The following GRIN2A variants were observed in gnomAD, a reference collection of about 807,000 sequenced individuals.
GRIN2A encodes glutamate ionotropic receptor NMDA type subunit 2A.
A neutral mutation model predicts 113.4 loss-of-function variants in GRIN2A; 22 were observed. That is an observed-to-expected ratio of 0.19 (90% CI 0.14 to 0.28). GRIN2A has a LOEUF of 0.28. Among genes scored for constraint, GRIN2A ranks in the 10% least tolerant of loss-of-function variants. The pLI, the probability that GRIN2A is intolerant of heterozygous loss-of-function variation, is 1.00. For synonymous variants in GRIN2A, 827 were observed against 738.4 expected (o/e 1.12, Z -1.94); for missense variants, 1,502 against 1,887.0 (o/e 0.80, Z 3.78).
At chr16:10,072,966 T>TA (rs34421012) in intron 2 of GRIN2A, among the ~76,000 whole-genome samples, 4 of 142,254 alleles carry the variant, frequency 2.8e-5, no homozygotes, top group South Asian at 4.5e-4. Context: ...TTTTTTTTTT[T>TA]TGAGACAGAG....
rs2141126974 is a variant in GRIN2A, at chr16:9,763,477, G to C, written c.4067C>G (p.Ser1356Cys). 1 of 1,613,908 alleles carries C rather than the reference G, an allele frequency of 6.2e-7. No homozygotes were observed. The highest frequency in any genetic ancestry group is 8.5e-7 in the Non-Finnish European group (1 of 1,179,824). The change falls in exon 13 of 13, where the codon TCT (serine) becomes TGT (cysteine). Residue 1356 changes from serine (S) to cysteine (C), a missense_variant. Around this residue, in one of 7 missense-constraint regions of GRIN2A, gnomAD observed 832 missense variants for 789.7 expected, o/e 1.05. Coordinates refer to ENST00000330684, the MANE Select transcript of GRIN2A (RefSeq NM_001134407.3). Reference sequence around the variant, plus strand: ...ATCGGAGGTGTGGTCTGGCAAGAGAGACTTGCTCCTCTTGCTGTCCTCCAG... The same window carrying C: ...ATCGGAGGTGTGGTCTGGCAAGAGACACTTGCTCCTCTTGCTGTCCTCCAG... The part of the protein sequence containing the change: ...QGLEDSKRSK[S>C]LLPDHTSDNP...
At position 9,761,120 on chromosome 16, in the gene GRIN2A, C is replaced by G; in HGVS notation, c.*2029G>C. 1.3e-5 allele frequency: 3 copies of G among 232,956 alleles called. No individual in the cohort carries two copies. The highest frequency in any genetic ancestry group is 1.7e-5 in the Non-Finnish European group (2 of 117,754). 14.4% of individuals were successfully genotyped at this position (232,956 alleles called of 1,614,324 possible). A position where few individuals can be genotyped will look rare whatever the true frequency, so the allele number is the denominator to read the frequency against. Reference sequence around the variant, plus strand: ...AGCTCCTCTCACCCACTGCCTCCCTCTGTCTCCCTATGATTGACCCTGAAA... The same window carrying G: ...AGCTCCTCTCACCCACTGCCTCCCTGTGTCTCCCTATGATTGACCCTGAAA... On this transcript the variant is annotated 3_prime_UTR_variant, in exon 13 of 13. Coordinates refer to ENST00000330684, the MANE Select transcript of GRIN2A (RefSeq NM_001134407.3).
At chr16:10,064,980 C>T (rs558406778) in intron 2 of GRIN2A, among the ~76,000 whole-genome samples, 2 of 152,184 alleles carry the variant, frequency 1.3e-5, no homozygotes, top group East Asian at 1.9e-4. Flanking sequence ...CAGAATACAC[C>T]GTAACGTGGA....
intron 2 of GRIN2A, among the ~76,000 whole-genome samples, chr16:9,957,316 T>C (rs1037139839): frequency 2.6e-5 from 4 of 152,146 alleles, no homozygotes; most frequent in Middle Eastern, 3.2e-3. Flanking sequence ...ACAGTGGATA[T>C]AGGATTGAGC....
chr16:9,924,086 G>T (rs1286162961), intron 3 of GRIN2A, among the ~76,000 whole-genome samples: 1 of 147,254 alleles, frequency 6.8e-6, no homozygotes, highest in Non-Finnish European at 1.5e-5. Flanking sequence ...ACTCCAGCCT[G>T]GGCAGCAGAG....
chr16:9,769,282 GT>G, intron 11 of GRIN2A, 193 bp from the exon 12 acceptor site: 1 of 489,390 alleles, frequency 2.0e-6, no homozygotes, highest in South Asian at 3.0e-5. Flanking sequence ...ACCTAATATT[GT>G]TGCAGTGAGG....
chr16:10,046,140 G>A (rs530792985), intron 2 of GRIN2A, among the ~76,000 whole-genome samples: 47 of 152,078 alleles, frequency 3.1e-4, no homozygotes, highest in Non-Finnish European at 4.1e-4. Flanking sequence ...GGGTGAGCAC[G>A]TGATCCAGTT....
At chr16:10,156,931 T>A (rs944014949) in intron 2 of GRIN2A, among the ~76,000 whole-genome samples, 9 of 152,114 alleles carry the variant, frequency 5.9e-5, no homozygotes, top group Non-Finnish European at 1.3e-4. Context: ...AAGAACAAGT[T>A]ATCTAATTCA....
intron 2 of GRIN2A, among the ~76,000 whole-genome samples, chr16:10,018,248 T>C (rs2046646259): frequency 6.6e-6 from 1 of 152,072 alleles, no homozygotes; most frequent in Non-Finnish European, 1.5e-5. Context: ...CATAAGACTG[T>C]ATGTGAAAAA....
At chr16:10,049,787 TAAG>T (rs1202756255) in intron 2 of GRIN2A, among the ~76,000 whole-genome samples, 3 of 152,324 alleles carry the variant, frequency 2.0e-5, no homozygotes, top group Admixed American at 2.0e-4. Flanking sequence ...CTCTCCTGAT[TAAG>T]ATGGAAGCTC....
chr16:10,126,156 T>C (rs2048930510), intron 2 of GRIN2A, among the ~76,000 whole-genome samples: 1 of 107,416 alleles, frequency 9.3e-6, no homozygotes, highest in African/African-American at 3.3e-5. Flanking sequence ...GATGGATTTC[T>C]TTATATATAT....
Position 10,156,849 on chromosome 16 carries a change from C to T in GRIN2A, c.414+23149G>A, listed in dbSNP as rs57051206. 3.2e-3 allele frequency among the ~76,000 whole-genome samples: 491 copies of T among 152,256 alleles called. 3 individuals carry two copies. Among genetic ancestry groups the T allele is most frequent in the African/African-American group, 0.01 (436 of 41,536 alleles). On this transcript the variant is annotated intron_variant, in intron 2 of 12. Transcript: ENST00000330684. ...CCCTGAGAGGTAGATTTCAACTGTG[C>T]TTTCCAAAAGTAAAGATGGAGGTGG...
At chr16:10,007,467 T>A (rs148466509) in intron 2 of GRIN2A, among the ~76,000 whole-genome samples, 20 of 152,360 alleles carry the variant, frequency 1.3e-4, no homozygotes, top group South Asian at 4.1e-4. Flanking sequence ...CCAATTTTTT[T>A]AATTGGATTA....
chr16:9,991,208 G>A (rs1259793460), intron 2 of GRIN2A, among the ~76,000 whole-genome samples: 1 of 152,198 alleles, frequency 6.6e-6, no homozygotes, highest in East Asian at 1.9e-4. Context: ...CAGATTTAAT[G>A]CTTCCAACGA....
chr16:9,933,703 CT>C (rs1217709744), intron 3 of GRIN2A, among the ~76,000 whole-genome samples: 1 of 152,194 alleles, frequency 6.6e-6, no homozygotes, highest in Non-Finnish European at 1.5e-5. Flanking sequence ...CTGTTCTCTG[CT>C]TTCAGCTATC....
At chr16:10,157,101 G>A (rs2049714039) in intron 2 of GRIN2A, among the ~76,000 whole-genome samples, 1 of 152,264 alleles carries the variant, frequency 6.6e-6, no homozygotes, top group Non-Finnish European at 1.5e-5. Context: ...TGCGCCCCTT[G>A]AGTAGGAGAG....
intron 4 of GRIN2A, among the ~76,000 whole-genome samples, chr16:9,851,914 T>C (rs2042889315): frequency 6.6e-6 from 1 of 152,232 alleles, no homozygotes; most frequent in African/African-American, 2.4e-5. Context: ...GCTATTATTT[T>C]ACTATTGTTG....
chr16:10,131,160 C>T (rs967847028), intron 2 of GRIN2A, among the ~76,000 whole-genome samples: 1 of 152,160 alleles, frequency 6.6e-6, no homozygotes, highest in Non-Finnish European at 1.5e-5. Flanking sequence ...CTTCTGAAAA[C>T]ACTTATTGAC....
chr16:10,088,070 G>C lies in GRIN2A; in HGVS notation c.414+91928C>G, dbSNP rs371276650. 3.0e-4 allele frequency among the ~76,000 whole-genome samples: 46 copies of C among 151,984 alleles called. 1 individual carries two copies. In the East Asian group the frequency reaches 4.6e-3, roughly 15 times the overall value. ...ATCATCATGGGTTCTCACCCTTTTGGAGACATCCCATACCTTGTTGAAAGC... is the reference window on the plus strand; with the variant it reads ...ATCATCATGGGTTCTCACCCTTTTGCAGACATCCCATACCTTGTTGAAAGC... On this transcript the variant is annotated intron_variant, in intron 2 of 12. Coordinates refer to ENST00000330684, the MANE Select transcript of GRIN2A (RefSeq NM_001134407.3).
Sources: gnomAD v4.1 joint callset for allele counts (sites outside exome capture counted in the v4.1 genomes callset) on GRCh38, gnomAD v4.1.1 for gene constraint, gnomAD v4.1.1 regional missense constraint, MANE v1.5 for transcripts, NCBI Gene and HGNC (gene_info 2026-07-23, HGNC 2026-07-21) for gene names.